PGR: variants seen among roughly 807,000 people sequenced by gnomAD.
PGR encodes the protein progesterone receptor.
PGR carries 25 observed loss-of-function variants against 76.1 expected under a neutral mutation model. The observed-to-expected ratio is 0.33, with a 90% CI of 0.24 to 0.46. The LOEUF (loss-of-function observed/expected upper bound fraction) is 0.46. Among genes scored for constraint, PGR ranks in the 20% least tolerant of loss-of-function variants. The pLI is 1.00. For missense variants in PGR, 1,172 were observed against 1,225.3 expected (o/e 0.96, Z 0.65); for synonymous variants, 579 against 535.0 (o/e 1.08, Z -1.14).
Position 101,128,206 on chromosome 11 carries a change from T to C in PGR, c.865A>G (p.Met289Val). Residue 289 changes from methionine to valine, a missense_variant, in exon 1 of 8, where the codon ATG becomes GTG. Physicochemically the swap from Met to Val is conservative, Grantham distance 21 (BLOSUM62 1). This residue lies in a region of PGR where 893 missense variants were observed against 785.9 expected (regional missense o/e 1.14). Coordinates refer to ENST00000325455, the MANE Select transcript of PGR (RefSeq NM_000926.4). ...RVALVEQDAP[M>V]APGRSPLATT... ...GCCAGCGGGGAGCGCCCGGGCGCCA[T>C]CGGCGCGTCCTGCTCCACCAGGGCG... The C allele has an allele frequency of 6.3e-7, 1 of 1,598,352 alleles. No homozygotes were observed. Among genetic ancestry groups the C allele is most frequent in the South Asian group, 1.1e-5 (1 of 91,018 alleles).
chr11:101,060,335 T>C (rs1390821631), intron 4 of PGR, among the ~76,000 whole-genome samples: 3 of 152,188 alleles, frequency 2.0e-5, no homozygotes, highest in African/African-American at 7.2e-5. Flanking sequence ...AAATTTCTTT[T>C]ACATGCAAAA....
At chr11:101,092,200 C>G (rs1021049790) in intron 2 of PGR, among the ~76,000 whole-genome samples, 1 of 152,276 alleles carries the variant, frequency 6.6e-6, no homozygotes, top group South Asian at 2.1e-4. Flanking sequence ...ATTAGCTACA[C>G]GTTTCTGATA....
At chr11:101,080,871 GA>G (rs1394273106) in intron 3 of PGR, among the ~76,000 whole-genome samples, 1 of 151,888 alleles carries the variant, frequency 6.6e-6, no homozygotes. Flanking sequence ...TCAAGCAGAA[GA>G]AAAAATTTTA....
At chr11:101,098,641 C>T (rs1009504525) in intron 2 of PGR, among the ~76,000 whole-genome samples, 4 of 152,148 alleles carry the variant, frequency 2.6e-5, no homozygotes, top group African/African-American at 7.2e-5. Flanking sequence ...GAGGAACAAA[C>T]TTAACTGGAC....
Position 101,062,469 on chromosome 11 carries a change from G to C in PGR, c.2190C>G (p.Val730=), listed in dbSNP as rs1458038117. ...QLGERQLLSV[V]KWSKSLPGFR... is the part of the protein sequence containing the mutation. ...TACCTGGCAATGATTTAGACCACTT[G>C]ACTACTGAAAGAAGTTGCCTCTCGC... The change falls in exon 4 of 8, where the codon GTC becomes GTG. Residue 730 remains valine (V), a synonymous_variant. Transcript: ENST00000325455. 1.9e-6 allele frequency: 3 copies of C among 1,613,410 alleles called. No individual in the cohort carries two copies. Among genetic ancestry groups the C allele is most frequent in the Admixed American group, 1.7e-5 (1 of 59,952 alleles).
chr11:101,031,391 G>T lies in PGR; in HGVS notation c.*7725C>A. 3 of 223,402 alleles carry T rather than the reference G, an allele frequency of 1.3e-5. 1 individual carries two copies. In the East Asian group the frequency reaches 1.9e-4, roughly 14 times the overall value. 13.8% of individuals were successfully genotyped at this position (223,402 alleles called of 1,614,324 possible). A position where few individuals can be genotyped will look rare whatever the true frequency, so the allele number is the denominator to read the frequency against. ...GTAAGCTTCTGCCTTCCCAGCTGCT[G>T]TCTGGTTAGTGGAACTAACAATTTC... On this transcript the variant is annotated 3_prime_UTR_variant, in exon 8 of 8. Coordinates refer to ENST00000325455, the MANE Select transcript of PGR (RefSeq NM_000926.4).
intron 5 of PGR, 88 bp from the exon 6 acceptor site, chr11:101,050,147 G>A (rs1860038363): frequency 3.7e-6 from 5 of 1,351,134 alleles, no homozygotes; most frequent in Non-Finnish European, 5.2e-6. Flanking sequence ...AGGGAATATG[G>A]TTTTGGTAAT....
intron 3 of PGR, among the ~76,000 whole-genome samples, chr11:101,064,588 G>A (rs1860648297): frequency 6.6e-6 from 1 of 152,004 alleles, no homozygotes; most frequent in South Asian, 2.1e-4. Flanking sequence ...GGAAGATAAT[G>A]TTAAGAAGAG....
At chr11:101,108,791 CA>C (rs1862257186) in intron 2 of PGR, among the ~76,000 whole-genome samples, 1 of 152,192 alleles carries the variant, frequency 6.6e-6, no homozygotes, top group African/African-American at 2.4e-5. Flanking sequence ...AAGGGAGATA[CA>C]AGCATATCGT....
chr11:101,126,006 C>G lies in PGR; in HGVS notation c.1789+1G>C. ...TAAAGGATCAGGGGAAAGGAGCCTA[C>G]CTTCCATTGCCCTCTTAAAGAAGAC... On this transcript the variant is annotated splice_donor_variant, in intron 2 of 7. Coordinates refer to ENST00000325455, the MANE Select transcript of PGR (RefSeq NM_000926.4). LOFTEE classifies it high-confidence loss of function. 6.2e-7 allele frequency: 1 copy of G among 1,613,628 alleles called. No homozygotes were observed. The highest frequency in any genetic ancestry group is 8.5e-7 in the Non-Finnish European group (1 of 1,179,592).
At chr11:101,070,427 GA>G (rs768756611) in intron 3 of PGR, among the ~76,000 whole-genome samples, 7 of 152,140 alleles carry the variant, frequency 4.6e-5, no homozygotes, top group Admixed American at 2.6e-4. Context: ...CTAGCTGCAG[GA>G]GTTTTTTTTC....
chr11:101,046,257 CT>C (rs1028116170), intron 6 of PGR, among the ~76,000 whole-genome samples: 4 of 147,128 alleles, frequency 2.7e-5, no homozygotes, highest in African/African-American at 1.0e-4. Context: ...TCCCGGCTAC[CT>C]GGGACTACAG....
intron 1 of PGR, among the ~76,000 whole-genome samples, 168 bp from the exon 2 acceptor site, chr11:101,126,326 C>T (rs1021160739): frequency 2.0e-5 from 3 of 152,188 alleles, no homozygotes; most frequent in Admixed American, 2.0e-4. Flanking sequence ...CTATCCGTAA[C>T]TGGATTCACC....
intron 2 of PGR, among the ~76,000 whole-genome samples, chr11:101,125,453 A>C (rs1425188744): frequency 6.6e-6 from 1 of 152,224 alleles, no homozygotes; most frequent in African/African-American, 2.4e-5. Flanking sequence ...TATACTGAAC[A>C]AAAAGAGAAT....
At chr11:101,054,763 A>C (rs935458169) in intron 4 of PGR, among the ~76,000 whole-genome samples, 6 of 152,342 alleles carry the variant, frequency 3.9e-5, no homozygotes, top group African/African-American at 1.4e-4. Context: ...ATTCACAATG[A>C]TAACTAACTC....
chr11:101,083,664 C>G (rs1861390211), intron 3 of PGR, among the ~76,000 whole-genome samples: 1 of 152,214 alleles, frequency 6.6e-6, no homozygotes, highest in African/African-American at 2.4e-5. Flanking sequence ...TATTTAATGA[C>G]TGCCCTGCTG....
At chr11:101,049,114 T>C (rs926308161) in intron 6 of PGR, among the ~76,000 whole-genome samples, 26 of 152,256 alleles carry the variant, frequency 1.7e-4, no homozygotes, top group African/African-American at 6.3e-4. Flanking sequence ...GCTTAAACTT[T>C]TTTTAAAAAA....
chr11:101,111,498 C>T (rs1167303160), intron 2 of PGR, among the ~76,000 whole-genome samples: 1 of 152,180 alleles, frequency 6.6e-6, no homozygotes, highest in Non-Finnish European at 1.5e-5. Flanking sequence ...ACCATTTCAC[C>T]TCTCAGCTTT....
rs1591438356 is a variant in PGR, at chr11:101,127,661, G to A, written c.1410C>T (p.Pro470=). Residue 470 remains proline (P), a synonymous_variant, in exon 1 of 8, where the codon CCC becomes CCT. Transcript: ENST00000325455. The part of the protein sequence containing the change: ...CILYKAEGAP[P]QQGPFAPPPC... Reference sequence around the variant, plus strand: ...GCGGCGGCGCGAACGGGCCCTGCTGGGGCGGCGCGCCCTCCGCTTTGTACA... The same window carrying A: ...GCGGCGGCGCGAACGGGCCCTGCTGAGGCGGCGCGCCCTCCGCTTTGTACA... 2 of 1,530,554 alleles carry A rather than the reference G, an allele frequency of 1.3e-6. No individual in the cohort carries two copies. Among genetic ancestry groups the A allele is most frequent in the South Asian group, 1.2e-5 (1 of 82,996 alleles). The allele number at this position is 1,530,554 out of a possible 1,614,324, so 94.8% of individuals were successfully genotyped here.
Sources: gnomAD v4.1 joint callset for allele counts (sites outside exome capture counted in the v4.1 genomes callset) on GRCh38, gnomAD v4.1.1 for gene constraint, gnomAD v4.1.1 regional missense constraint, MANE v1.5 for transcripts, NCBI Gene and HGNC (gene_info 2026-07-23, HGNC 2026-07-21) for gene names.